The following LRRIQ3 variants were observed in gnomAD, a reference collection of about 807,000 sequenced individuals.
The protein encoded by LRRIQ3 is leucine rich repeats and IQ motif containing 3, also known as leucine-rich repeat and IQ domain-containing protein 3.
LRRIQ3 carries 75 observed loss-of-function variants against 59.3 expected under a neutral mutation model. The observed-to-expected ratio is 1.26, with a 90% CI of 1.05 to 1.53. LRRIQ3 has a LOEUF of 1.53. Ranked by LOEUF, LRRIQ3 falls within the 40% of genes most tolerant of loss-of-function variation. The probability of loss-of-function intolerance (pLI) is 0.00; values close to 1 mark genes in which losing one functional copy is unlikely to be tolerated. For missense variants in LRRIQ3, 831 were observed against 710.0 expected, an observed-to-expected ratio of 1.17 and a Z score of -1.94; for synonymous variants, 250 against 231.3, an observed-to-expected ratio of 1.08 and a Z score of -0.73.
chr1:74,086,242 T>A (rs1318560176), intron 5 of LRRIQ3, among the ~76,000 whole-genome samples: 2 of 152,128 alleles, frequency 1.3e-5, no homozygotes, highest in Non-Finnish European at 2.9e-5. Flanking sequence ...CCTTGAGCCA[T>A]TTCCTAAGCC....
intron 5 of LRRIQ3, among the ~76,000 whole-genome samples, chr1:74,098,203 G>A (rs1646475487): frequency 1.3e-5 from 2 of 152,096 alleles, no homozygotes; most frequent in Non-Finnish European, 2.9e-5. Flanking sequence ...ATAAAGGGAT[G>A]GAGGAAGATT....
At chr1:74,067,938 G>A (rs1654913453) in intron 6 of LRRIQ3, among the ~76,000 whole-genome samples, 1 of 151,924 alleles carries the variant, frequency 6.6e-6, no homozygotes, top group African/African-American at 2.4e-5. Flanking sequence ...ACTTTTCTGA[G>A]CTCTCTTTTT....
intron 4 of LRRIQ3, among the ~76,000 whole-genome samples, chr1:74,148,144 G>A (rs1025026847): frequency 6.6e-6 from 1 of 151,972 alleles, no homozygotes; most frequent in African/African-American, 2.4e-5. Flanking sequence ...TGTTTCTTGT[G>A]TCCTTACATT....
intron 6 of LRRIQ3, among the ~76,000 whole-genome samples, chr1:74,049,792 G>A (rs1654311628): frequency 6.6e-6 from 1 of 151,906 alleles, no homozygotes; most frequent in South Asian, 2.1e-4. Flanking sequence ...TTTCACTAAT[G>A]TAATGTCATT....
chr1:74,148,704 G>T (rs1254556557), intron 4 of LRRIQ3, among the ~76,000 whole-genome samples: 4 of 152,090 alleles, frequency 2.6e-5, no homozygotes, highest in Admixed American at 1.3e-4. Flanking sequence ...TCTCTCCTAA[G>T]GTCAACTGAT....
rs186293482 is a variant in LRRIQ3, at chr1:74,182,488, T to C, written c.573+50A>G. On this transcript the variant is annotated intron_variant, in intron 3 of 7. Transcript: ENST00000354431. ...TAGATATAGAACTCAGAAGCTAAAATTTCCCTTTTATACATTTAATTAAAA... is the reference window on the plus strand; with the variant it reads ...TAGATATAGAACTCAGAAGCTAAAACTTCCCTTTTATACATTTAATTAAAA... 1.7e-4 allele frequency: 211 copies of C among 1,232,824 alleles called. 1 individual carries two copies. The highest frequency in any genetic ancestry group is 6.6e-4 in the Admixed American group (23 of 34,594). 76.4% of individuals were successfully genotyped at this position (1,232,824 alleles called of 1,614,324 possible).
At chr1:74,172,823 C>T (rs1649407811) in intron 3 of LRRIQ3, among the ~76,000 whole-genome samples, 2 of 152,074 alleles carry the variant, frequency 1.3e-5, no homozygotes, top group South Asian at 2.1e-4. Flanking sequence ...TGATGACCTC[C>T]TTTGTCTTTT....
At chr1:74,103,181 C>T (rs1359721035) in intron 5 of LRRIQ3, among the ~76,000 whole-genome samples, 1 of 151,898 alleles carries the variant, frequency 6.6e-6, no homozygotes, top group Non-Finnish European at 1.5e-5. Flanking sequence ...AATTGTACTT[C>T]ATTGTTTATA....
intron 6 of LRRIQ3, among the ~76,000 whole-genome samples, chr1:74,044,092 C>A (rs905818217): frequency 6.6e-6 from 1 of 152,098 alleles, no homozygotes; most frequent in Non-Finnish European, 1.5e-5. Flanking sequence ...TACATTAAAG[C>A]TCTATGTAGT....
intron 5 of LRRIQ3, among the ~76,000 whole-genome samples, chr1:74,105,121 A>T (rs1646591439): frequency 6.6e-6 from 1 of 152,044 alleles, no homozygotes; most frequent in South Asian, 2.1e-4. Flanking sequence ...AACATATTTG[A>T]ATTTTTAAAA....
At chr1:74,063,715 C>G (rs1654793198) in intron 6 of LRRIQ3, among the ~76,000 whole-genome samples, 1 of 151,854 alleles carries the variant, frequency 6.6e-6, no homozygotes, top group Admixed American at 6.6e-5. Context: ...CCCTCCAGTT[C>G]TCTGATGATT....
intron 1 of LRRIQ3, among the ~76,000 whole-genome samples, chr1:74,190,884 G>GA (rs1158930452): frequency 6.6e-6 from 1 of 151,868 alleles, no homozygotes; most frequent in South Asian, 2.1e-4. Context: ...AGTGTTAAGA[G>GA]AAAAAAAACT....
At chr1:74,113,644 GAAGA>G (rs889800850) in intron 4 of LRRIQ3, among the ~76,000 whole-genome samples, 8 of 152,098 alleles carry the variant, frequency 5.3e-5, no homozygotes, top group South Asian at 4.1e-4. Flanking sequence ...AGAAGAAAAA[GAAGA>G]AAGAAATTCA....
chr1:74,067,099 A>C (rs1213429737), intron 6 of LRRIQ3, among the ~76,000 whole-genome samples: 1 of 152,162 alleles, frequency 6.6e-6, no homozygotes, highest in African/African-American at 2.4e-5. Flanking sequence ...CTTTTCGCCA[A>C]ACATTGAACA....
chr1:74,101,216 A>C (rs148563924), intron 5 of LRRIQ3, among the ~76,000 whole-genome samples: 196 of 152,312 alleles, frequency 1.3e-3, no homozygotes, highest in African/African-American at 4.6e-3. Flanking sequence ...TTACAAGAAA[A>C]AAACAAACAA....
intron 5 of LRRIQ3, chr1:74,083,038 T>C (rs1308530404): frequency 2.6e-5 from 4 of 151,676 alleles, no homozygotes; most frequent in African/African-American, 7.2e-5. Flanking sequence ...AAATGCCACA[T>C]GTATCTCTAA....
chr1:74,118,747 A>G (rs1646812006), intron 4 of LRRIQ3, among the ~76,000 whole-genome samples: 2 of 152,142 alleles, frequency 1.3e-5, no homozygotes, highest in Admixed American at 1.3e-4. Flanking sequence ...GGCTCACACA[A>G]TTGTGGAAGC....
chr1:74,092,320 C>A (rs1646403706), intron 5 of LRRIQ3, among the ~76,000 whole-genome samples: 1 of 152,072 alleles, frequency 6.6e-6, no homozygotes, highest in South Asian at 2.1e-4. Flanking sequence ...ATATTAGTAT[C>A]ATTTTAGATC....
chr1:74,084,269 C>T, intron 5 of LRRIQ3: 1 of 1,492,648 alleles, frequency 6.7e-7, no homozygotes, highest in Non-Finnish European at 9.1e-7. Context: ...CAGTTAAACT[C>T]TTGAGGTGTA....
Sources: gnomAD v4.1 joint callset for allele counts (sites outside exome capture counted in the v4.1 genomes callset) on GRCh38, gnomAD v4.1.1 for gene constraint, MANE v1.5 for transcripts, NCBI Gene and HGNC (gene_info 2026-07-23, HGNC 2026-07-21) for gene names.